The following SLC12A1 variants were observed in gnomAD, a reference collection of about 807,000 sequenced individuals.
SLC12A1 encodes solute carrier family 12 member 1.
In SLC12A1, 89 loss-of-function variants were observed where a neutral mutation model predicts 130.4. The ratio of observed to expected loss-of-function variants is 0.68; its 90% CI spans 0.58 to 0.81. SLC12A1 has a LOEUF of 0.81. Ranked by LOEUF, SLC12A1 falls within the 40% of genes least tolerant of loss-of-function variation. The pLI is 0.00. For synonymous variants in SLC12A1, 499 were observed against 460.0 expected (o/e 1.08, Z -1.09); for missense variants, 1,310 against 1,336.4 (o/e 0.98, Z 0.31).
At chr15:48,243,548 CGGGTGG>C in intron 10 of SLC12A1, among the ~76,000 whole-genome samples, 1 of 152,208 alleles carries the variant, frequency 6.6e-6, no homozygotes, top group Middle Eastern at 3.4e-3. Flanking sequence ...CCCAGATACT[CGGGTGG>C]CTGAGGCAGA....
At chr15:48,248,628 C>T (rs2041610773) in intron 13 of SLC12A1, among the ~76,000 whole-genome samples, 1 of 152,226 alleles carries the variant, frequency 6.6e-6, no homozygotes, top group Non-Finnish European at 1.5e-5. Flanking sequence ...TCATTTGCAT[C>T]ATTGAGGGTG....
chr15:48,252,763 T>G (rs938576307), intron 15 of SLC12A1, among the ~76,000 whole-genome samples: 5 of 152,100 alleles, frequency 3.3e-5, no homozygotes, highest in East Asian at 3.9e-4. Context: ...AATGGTATTT[T>G]GGGCAGAAGG....
intron 24 of SLC12A1, among the ~76,000 whole-genome samples, chr15:48,294,671 G>A (rs2042156455): frequency 6.6e-6 from 1 of 152,106 alleles, no homozygotes; most frequent in Non-Finnish European, 1.5e-5. Flanking sequence ...AATCAAACAA[G>A]CTCATCATAT....
Position 48,221,010 on chromosome 15 carries a change from C to T in SLC12A1, c.628+14C>T. 1 of 1,611,678 alleles carries T rather than the reference C, an allele frequency of 6.2e-7. No individual in the cohort carries two copies. The highest frequency in any genetic ancestry group is 2.2e-5 in the East Asian group (1 of 44,872). On this transcript the variant is annotated intron_variant, in intron 4 of 26. Transcript: ENST00000380993. ...AAGCTGGAATTGGTAAGCATTTTTC[C>T]CCTCCTAAATAATTTTGCATGTAAA...
intron 26 of SLC12A1, 47 bp from the exon 27 acceptor site, chr15:48,302,703 A>G: frequency 2.1e-6 from 3 of 1,462,842 alleles, no homozygotes; most frequent in South Asian, 2.5e-5. Context: ...GTTACTACCT[A>G]TAGTAATTTT....
At position 48,287,938 on chromosome 15, in the gene SLC12A1, T is replaced by C. The variant is rs556036598; in HGVS notation, c.2630-105T>C. ...CTATTTATTTTAGGTATAATAAACA[T>C]GAATCTGTGACCTTTTCTCTATTTT... On this transcript the variant is annotated intron_variant, in intron 21 of 26. Coordinates refer to ENST00000380993, the MANE Select transcript of SLC12A1 (RefSeq NM_000338.3). The C allele has an allele frequency of 2.6e-5, 33 of 1,260,056 alleles. No homozygotes were observed. In the East Asian group the frequency reaches 6.1e-4, roughly 23 times the overall value. 78.1% of individuals were successfully genotyped at this position (1,260,056 alleles called of 1,614,324 possible).
chr15:48,213,501 ATTTT>A (rs1242909450), intron 2 of SLC12A1, among the ~76,000 whole-genome samples: 1 of 131,264 alleles, frequency 7.6e-6, no homozygotes, highest in Non-Finnish European at 1.6e-5. Context: ...TTCCTCTAGA[ATTTT>A]TTTTTTTTTT....
chr15:48,262,517 G>A (rs149485844), intron 17 of SLC12A1, among the ~76,000 whole-genome samples: 2 of 152,078 alleles, frequency 1.3e-5, no homozygotes, highest in Admixed American at 6.6e-5. Flanking sequence ...CAACTATCCA[G>A]CTAACTCTTA....
At chr15:48,208,210 A>G in intron 2 of SLC12A1, 71 bp downstream of exon 2, 1 of 1,390,874 alleles carries the variant, frequency 7.2e-7, no homozygotes. Context: ...CTCTTTCATT[A>G]CACTATGAAT....
At chr15:48,214,353 A>C (rs2041093325) in intron 2 of SLC12A1, among the ~76,000 whole-genome samples, 1 of 152,174 alleles carries the variant, frequency 6.6e-6, no homozygotes, top group African/African-American at 2.4e-5. Flanking sequence ...GTTCCCTTAA[A>C]CTTATACTTG....
rs1051248746 is a variant in SLC12A1 at position 48,274,613 on chromosome 15, C to T, written c.2445C>T (p.Ile815=). 1 of 1,613,212 alleles carries T rather than the reference C, an allele frequency of 6.2e-7. No individual in the cohort carries two copies. Among genetic ancestry groups the T allele is most frequent in the Non-Finnish European group, 8.5e-7 (1 of 1,179,460 alleles). ...DFEIGVVIVR[I]SQGFDISQVL... ...AGATTGGCGTGGTTATAGTCAGAAT[C>T]AGCCAAGGATTTGACATCTCTCAGG... is the stretch of plus-strand genomic sequence containing the variant. The change falls in exon 20 of 27, where the codon ATC becomes ATT. Residue 815 remains isoleucine (I), a synonymous_variant. Transcript: ENST00000380993.
chr15:48,241,464 T>C (rs2141049907), intron 9 of SLC12A1, 51 bp from the exon 10 acceptor site: 2 of 1,345,776 alleles, frequency 1.5e-6, no homozygotes, highest in Middle Eastern at 1.8e-4. Context: ...AAGTGATCTA[T>C]GGTTCTTATT....
intron 2 of SLC12A1, among the ~76,000 whole-genome samples, chr15:48,216,064 TC>T (rs1401958003): frequency 3.9e-5 from 6 of 152,162 alleles, no homozygotes; most frequent in African/African-American, 1.2e-4. Context: ...GGGGTTTTTT[TC>T]CCCTCTATGG....
rs2042123924 is a variant in SLC12A1, at chr15:48,291,781, G to A, written c.2877G>A (p.Met959Ile). The A allele has an allele frequency of 6.5e-7, 1 of 1,548,370 alleles. No individual in the cohort carries two copies. Among genetic ancestry groups the A allele is most frequent in the Non-Finnish European group, 8.8e-7 (1 of 1,141,060 alleles). The part of the protein sequence containing the change: ...INRIEEEKIV[M>I]ASLLSKFRIK... ...TATTTTCCTTTTATATTTTCAGAAT[G>A]GCTTCCCTTCTGAGCAAATTTAGGA... is the stretch of plus-strand genomic sequence containing the variant. The change falls in exon 24 of 27, where the codon ATG (methionine) becomes ATA (isoleucine). Residue 959 changes from methionine (M) to isoleucine (I), a missense_variant. By Grantham distance (10) the Met-to-Ile change is conservative. Transcript: ENST00000380993.
At chr15:48,252,860 T>C (rs2041663486) in intron 15 of SLC12A1, among the ~76,000 whole-genome samples, 1 of 152,120 alleles carries the variant, frequency 6.6e-6, no homozygotes, top group East Asian at 1.9e-4. Context: ...AGAAAGTTCC[T>C]GAGTGATGGG....
intron 11 of SLC12A1, 98 bp from the exon 12 acceptor site, chr15:48,246,811 G>C (rs903584958): frequency 9.5e-6 from 8 of 841,170 alleles, no homozygotes; most frequent in African/African-American, 8.3e-5. Context: ...AGGAATGTGA[G>C]AATGAAGCAG....
intron 24 of SLC12A1, among the ~76,000 whole-genome samples, chr15:48,296,970 A>T (rs1039687396): frequency 6.6e-6 from 1 of 152,198 alleles, no homozygotes; most frequent in African/African-American, 2.4e-5. Context: ...AGCATGTTTC[A>T]ATTGCAAGTA....
At position 48,303,156 on chromosome 15, in the gene SLC12A1, G is replaced by A; in HGVS notation, c.*271G>A. On this transcript the variant is annotated 3_prime_UTR_variant, in exon 27 of 27. Transcript: ENST00000380993. ...AAGAAAATCAAGGAAACTCATGTTGGCTTATGCTCATGAAAACCACCAATG... is the reference window on the plus strand; with the variant it reads ...AAGAAAATCAAGGAAACTCATGTTGACTTATGCTCATGAAAACCACCAATG... 3.7e-6 allele frequency: 1 copy of A among 271,136 alleles called. No individual in the cohort carries two copies. Among genetic ancestry groups the A allele is most frequent in the Non-Finnish European group, 6.9e-6 (1 of 145,558 alleles). 16.8% of individuals were successfully genotyped at this position (271,136 alleles called of 1,614,324 possible). A position where few individuals can be genotyped will look rare whatever the true frequency, so the allele number is the denominator to read the frequency against.
intron 20 of SLC12A1, among the ~76,000 whole-genome samples, chr15:48,279,127 C>T (rs978531920): frequency 2.0e-5 from 3 of 152,148 alleles, no homozygotes; most frequent in Non-Finnish European, 4.4e-5. Flanking sequence ...AGAAAAACAA[C>T]ATGATAGAAA....
Sources: gnomAD v4.1 joint callset for allele counts (sites outside exome capture counted in the v4.1 genomes callset) on GRCh38, gnomAD v4.1.1 for gene constraint, MANE v1.5 for transcripts, NCBI Gene and HGNC (gene_info 2026-07-23, HGNC 2026-07-21) for gene names.